Variants in GUCY2D observed in about 807,000 individuals in gnomAD.
The protein encoded by GUCY2D is retinal guanylyl cyclase 1.
In GUCY2D, 70 loss-of-function variants were observed where a neutral mutation model predicts 101.3. That is an observed-to-expected ratio of 0.69 (90% CI 0.57 to 0.84). The LOEUF (loss-of-function observed/expected upper bound fraction) is 0.84, where lower values mean the gene tolerates loss of function less well. GUCY2D is among the 40% of genes least tolerant of loss of function. The pLI is 0.00. For missense variants in GUCY2D, 1,460 were observed against 1,542.5 expected (o/e 0.95, Z 0.90); for synonymous variants, 688 against 670.7 (o/e 1.03, Z -0.40).
chr17:8,003,042 C>T lies in GUCY2D; in HGVS notation c.-6C>T, dbSNP rs755696177. 39 of 1,525,038 alleles carry T rather than the reference C, an allele frequency of 2.6e-5. 1 individual carries two copies. The South Asian group carries it at 4.0e-4, about 16-fold the overall frequency. 94.5% of individuals were successfully genotyped at this position (1,525,038 alleles called of 1,614,324 possible). A position where few individuals can be genotyped will look rare whatever the true frequency, so the allele number is the denominator to read the frequency against. ...CCTGCTCCGTCTGTGTTCGCAGAAG[C>T]CGGCAATGACCGCCTGCGCCCGCCG... On this transcript the variant is annotated 5_prime_UTR_variant, in exon 2 of 20. Coordinates refer to ENST00000254854, the MANE Select transcript of GUCY2D (RefSeq NM_000180.4).
At chr17:8,020,019 GA>G (rs1362348206) in intron 19 of GUCY2D, 108 bp from the exon 20 acceptor site, 1 of 151,972 alleles carries the variant, frequency 6.6e-6, no homozygotes, top group African/African-American at 2.4e-5. Context: ...CCAAAGCAGG[GA>G]CCTCTCATAG....
At chr17:8,019,972 C>T (rs888801711) in intron 19 of GUCY2D, among the ~76,000 whole-genome samples, 156 bp from the exon 20 acceptor site, 7 of 152,120 alleles carry the variant, frequency 4.6e-5, no homozygotes, top group Admixed American at 3.9e-4. Context: ...TTGTCCTTGC[C>T]TTGGAGATGG....
intron 19 of GUCY2D, among the ~76,000 whole-genome samples, chr17:8,018,023 G>A (rs1490709441): frequency 6.6e-6 from 1 of 152,108 alleles, no homozygotes; most frequent in Non-Finnish European, 1.5e-5. Context: ...CCCTGTCCTG[G>A]CAAGTCCCCA....
At chr17:8,017,039 A>G (rs775738104) in intron 19 of GUCY2D, among the ~76,000 whole-genome samples, 1 of 152,116 alleles carries the variant, frequency 6.6e-6, no homozygotes, top group Non-Finnish European at 1.5e-5. Context: ...ATTGTTCTGG[A>G]AGGTCCTTTT....
chr17:8,004,751 A>C (rs974694204), intron 3 of GUCY2D, among the ~76,000 whole-genome samples: 1 of 152,212 alleles, frequency 6.6e-6, no homozygotes, highest in African/African-American at 2.4e-5. Flanking sequence ...AAGGGGGACT[A>C]GAAACCACTA....
Position 8,014,188 on chromosome 17 carries a change from T to C in GUCY2D, c.2412+160T>C. ...GAAGACTCGGAGTTTGGGGGCAGAA[T>C]TGGAATGGGGGCTGTGGAGGCTTTT... On this transcript the variant is annotated intron_variant, in intron 12 of 19. Coordinates refer to ENST00000254854, the MANE Select transcript of GUCY2D (RefSeq NM_000180.4). The surrounding 1 kb of genome is among the most constrained non-coding windows in gnomAD (Gnocchi z 4.0). 2.8e-6 allele frequency: 2 copies of C among 713,956 alleles called. No individual in the cohort carries two copies. Among genetic ancestry groups the C allele is most frequent in the Non-Finnish European group, 5.0e-6 (2 of 400,716 alleles). 44.2% of individuals were successfully genotyped at this position (713,956 alleles called of 1,614,324 possible).
chr17:8,003,121 C>T lies in GUCY2D; in HGVS notation c.74C>T (p.Ser25Phe), dbSNP rs557108466. The T allele has an allele frequency of 3.6e-3, 5,454 of 1,517,112 alleles. 9 individuals carry two copies. The highest frequency in any genetic ancestry group is 4.4e-3 in the Non-Finnish European group (5,044 of 1,138,600). The allele number at this position is 1,517,112 out of a possible 1,614,324, so 94.0% of individuals were successfully genotyped here. A position where few individuals can be genotyped will look rare whatever the true frequency, so the allele number is the denominator to read the frequency against. The change falls in exon 2 of 20, where the codon TCC becomes TTC. Residue 25 changes from serine to phenylalanine, a missense_variant. This residue lies in a region of GUCY2D where 1,196 missense variants were observed against 1,229.6 expected (regional missense o/e 0.97). Coordinates refer to ENST00000254854, the MANE Select transcript of GUCY2D (RefSeq NM_000180.4). Reference sequence around the variant, plus strand: ...TGCGGTCCCGCGTGGTGGGCTCCGTCCCTGCCCCGCCTCCCCCGGGCCCTG... The same window carrying T: ...TGCGGTCCCGCGTGGTGGGCTCCGTTCCTGCCCCGCCTCCCCCGGGCCCTG... ...GLCGPAWWAP[S>F]LPRLPRALPR...
chr17:8,016,012 G>T lies in GUCY2D; in HGVS notation c.3129G>T (p.Thr1043=), dbSNP rs200403362. The T allele has an allele frequency of 1.2e-6, 2 of 1,607,104 alleles. No individual in the cohort carries two copies. The highest frequency in any genetic ancestry group is 2.2e-5 in the South Asian group (2 of 89,782). The change falls in exon 17 of 20, where the codon ACG becomes ACT. Residue 1043 remains threonine, a synonymous_variant. Coordinates refer to ENST00000254854, the MANE Select transcript of GUCY2D (RefSeq NM_000180.4). ...SGYQVELRGR[T]ELKGKGAEDT... is the part of the protein sequence containing the mutation. ...ACCAGGTGGAGCTGCGAGGCCGCAC[G>T]GAGCTGAAGGTGAGGCAGGGCCCCA...
rs1354724212 is a variant in GUCY2D at position 8,013,476 on chromosome 17, G to C, written c.2263+224G>C. The C allele has an allele frequency of 8.3e-6, 5 of 603,034 alleles. No individual in the cohort carries two copies. The African/African-American group carries it at 9.2e-5, about 11-fold the overall frequency. The allele number at this position is 603,034 out of a possible 1,614,324, so 37.4% of individuals were successfully genotyped here. On this transcript the variant is annotated intron_variant, in intron 11 of 19. Coordinates refer to ENST00000254854, the MANE Select transcript of GUCY2D (RefSeq NM_000180.4). The surrounding 1 kb of genome is among the most constrained non-coding windows in gnomAD (Gnocchi z 5.0). ...AGACCACAACAGCTTCCTCTTTCTT[G>C]ATGCTGGAACCAAACTGTTTCCACA...
Position 8,013,239 on chromosome 17 carries a change from G to T in GUCY2D, c.2250G>T (p.Glu750Asp). 1 of 1,614,110 alleles carries T rather than the reference G, an allele frequency of 6.2e-7. No individual in the cohort carries two copies. The highest frequency in any genetic ancestry group is 8.5e-7 in the Non-Finnish European group (1 of 1,180,004). ...GCAGTGCCCCTTATGCCATGCTGGA[G>T]CTCACTCCCGAGGGTAAGGCTGCCC... ...VCRSAPYAML[E>D]LTPEEVVQRV... Residue 750 changes from glutamate (E) to aspartate (D), a missense_variant, in exon 11 of 20, where the codon GAG (glutamate) becomes GAT (aspartate). Coordinates refer to ENST00000254854, the MANE Select transcript of GUCY2D (RefSeq NM_000180.4). This position sits in a 1 kb window ranked among gnomAD's most constrained non-coding sequence, Gnocchi z 5.0.
chr17:8,012,801 C>T (rs79581544), intron 10 of GUCY2D, among the ~76,000 whole-genome samples, 195 bp downstream of exon 10: 2 of 152,184 alleles, frequency 1.3e-5, no homozygotes, highest in Non-Finnish European at 2.9e-5. Flanking sequence ...CTGCTGGGGG[C>T]GGGACTTGTA....
chr17:8,005,126 A>G (rs1487104001), intron 3 of GUCY2D, among the ~76,000 whole-genome samples: 1 of 152,100 alleles, frequency 6.6e-6, no homozygotes, highest in Non-Finnish European at 1.5e-5. Flanking sequence ...TGATTCCTTG[A>G]ATTCTTCGCC....
chr17:8,014,751 C>T lies in GUCY2D; in HGVS notation c.2563C>T (p.Gln855Ter), dbSNP rs1555635778. 2 of 1,610,572 alleles carry T rather than the reference C, an allele frequency of 1.2e-6. No individual in the cohort carries two copies. The highest frequency in any genetic ancestry group is 1.3e-5 in the African/African-American group (1 of 74,380). Residue 855 changes from glutamine (Q) to a stop codon, truncating the protein, a stop_gained, in exon 13 of 20, where the codon CAG becomes TAG. Transcript: ENST00000254854. LOFTEE classifies it high-confidence loss of function. This position sits in a 1 kb window ranked among gnomAD's most constrained non-coding sequence, Gnocchi z 4.0. ...GCAGAAGACAGACCGGCTGCTTACACAGATGCTGCCTCCGTGGGTGCCAGT... is the reference window on the plus strand; with the variant it reads ...GCAGAAGACAGACCGGCTGCTTACATAGATGCTGCCTCCGTGGGTGCCAGT... ...EKQKTDRLLTQMLPPSVAEAL... is the reference protein window; with the variant it reads ...EKQKTDRLLT
Position 8,013,385 on chromosome 17 carries a change from C to A in GUCY2D, c.2263+133C>A. On this transcript the variant is annotated intron_variant, in intron 11 of 19. Transcript: ENST00000254854. This position sits in a 1 kb window ranked among gnomAD's most constrained non-coding sequence, Gnocchi z 5.0. ...TATACGGAGGCCCCCTTAAAGCTGG[C>A]ATCTGCAGGTCTGGGTGCAGAAAGC... 1 of 922,312 alleles carries A rather than the reference C, an allele frequency of 1.1e-6. No individual in the cohort carries two copies. Among genetic ancestry groups the A allele is most frequent in the Non-Finnish European group, 1.7e-6 (1 of 586,608 alleles). 57.1% of individuals were successfully genotyped at this position (922,312 alleles called of 1,614,324 possible).
chr17:8,003,622 A>G lies in GUCY2D; in HGVS notation c.575A>G (p.Asp192Gly), dbSNP rs1975679504. 1 of 1,592,572 alleles carries G rather than the reference A, an allele frequency of 6.3e-7. No individual in the cohort carries two copies. The highest frequency in any genetic ancestry group is 8.5e-7 in the Non-Finnish European group (1 of 1,176,232). ...GTGGCCCTGGTCACCGCCCCCCAGG[A>G]CCTGTGGGTGGAGGCGGGACGCTCA... ...ARVALVTAPQ[D>G]LWVEAGRSLS... The change falls in exon 2 of 20, where the codon GAC becomes GGC. Residue 192 changes from aspartate to glycine, a missense_variant. Physicochemically the swap from Asp to Gly is moderately conservative, Grantham distance 94 (BLOSUM62 -1). Transcript: ENST00000254854.
chr17:8,006,160 G>A (rs1344229347), intron 3 of GUCY2D, among the ~76,000 whole-genome samples: 1 of 151,036 alleles, frequency 6.6e-6, no homozygotes, highest in Non-Finnish European at 1.5e-5. Context: ...GAGCCAGTGG[G>A]GAGGGAGGAA....
In GUCY2D at chr17:8,011,999, C is replaced by G; in HGVS notation, c.1750-145C>G. 1.5e-6 allele frequency: 1 copy of G among 673,128 alleles called. No individual in the cohort carries two copies. Among genetic ancestry groups the G allele is most frequent in the Non-Finnish European group, 2.7e-6 (1 of 369,586 alleles). 41.7% of individuals were successfully genotyped at this position (673,128 alleles called of 1,614,324 possible). ...TAGGACTATGTGTAGAAGAGAGCCC[C>G]CGTACATACCTTATCAACCATTTCA... On this transcript the variant is annotated intron_variant, in intron 8 of 19. Transcript: ENST00000254854. This position sits in a 1 kb window ranked among gnomAD's most constrained non-coding sequence, Gnocchi z 4.3.
At chr17:8,009,678 T>C (rs1321440147) in intron 8 of GUCY2D, 92 bp downstream of exon 8, 1 of 853,990 alleles carries the variant, frequency 1.2e-6, no homozygotes, top group Non-Finnish European at 2.0e-6. Flanking sequence ...TAGGTCTCAG[T>C]TAAGTGTCCC....
At position 8,009,567 on chromosome 17, in the gene GUCY2D, C is replaced by A; in HGVS notation, c.1730C>A (p.Thr577Asn). ...CAGCACATAGCTATCCGCCCAGCAA[C>A]CAAGACGGCCTTCTCCAAGGTGAGA... is the stretch of plus-strand genomic sequence containing the variant. ...GDQHIAIRPA[T>N]KTAFSKLQEL... Residue 577 changes from threonine (T) to asparagine (N), a missense_variant, in exon 8 of 20, where the codon ACC (threonine) becomes AAC (asparagine). Thr to Asn is a moderately conservative substitution (Grantham distance 65). Transcript: ENST00000254854. 1 of 1,612,882 alleles carries A rather than the reference C, an allele frequency of 6.2e-7. No individual in the cohort carries two copies. Among genetic ancestry groups the A allele is most frequent in the Non-Finnish European group, 8.5e-7 (1 of 1,178,854 alleles).
Sources: allele counts gnomAD v4.1 joint callset (sites outside exome capture counted in the v4.1 genomes callset), GRCh38; gene constraint gnomAD v4.1.1; regional missense constraint gnomAD v4.1.1; non-coding constraint Gnocchi (gnomAD v3.1); transcripts MANE v1.5; gene names NCBI Gene and HGNC (gene_info 2026-07-23, HGNC 2026-07-21).